Variants in ESRRG observed in about 807,000 individuals in gnomAD.
ESRRG encodes the protein estrogen-related receptor gamma.
ESRRG carries 13 observed loss-of-function variants against 44.0 expected under a neutral mutation model. That is an observed-to-expected ratio of 0.30 (90% confidence interval 0.19 to 0.47). The LOEUF (loss-of-function observed/expected upper bound fraction) is 0.47. ESRRG is among the 20% of genes least tolerant of loss of function. The probability of loss-of-function intolerance (pLI) is 1.00; values close to 1 mark genes in which losing one functional copy is unlikely to be tolerated. For missense variants in ESRRG, 395 were observed against 580.6 expected (o/e 0.68, Z 3.29); for synonymous variants, 215 against 214.6 (o/e 1.00, Z -0.02).
At chr1:217,059,742 A>G (rs992191963) in intron 1 of ESRRG, among the ~76,000 whole-genome samples, 1 of 152,154 alleles carries the variant, frequency 6.6e-6, no homozygotes, top group Non-Finnish European at 1.5e-5. Flanking sequence ...GCAGAGGGAC[A>G]TATCAAACTG....
chr1:216,813,746 A>G (rs577518601), intron 2 of ESRRG, among the ~76,000 whole-genome samples: 2 of 152,294 alleles, frequency 1.3e-5, no homozygotes, highest in African/African-American at 4.8e-5. Context: ...GTGCCTGCAC[A>G]CTATACACAC....
At chr1:216,846,313 C>T (rs919195411) in intron 2 of ESRRG, among the ~76,000 whole-genome samples, 4 of 152,040 alleles carry the variant, frequency 2.6e-5, no homozygotes, top group Non-Finnish European at 5.9e-5. Context: ...GTTAACAATG[C>T]CCTATAAGAA....
At chr1:216,548,257 A>G (rs2055167000) in intron 5 of ESRRG, among the ~76,000 whole-genome samples, 1 of 152,064 alleles carries the variant, frequency 6.6e-6, no homozygotes, top group South Asian at 2.1e-4. Flanking sequence ...ACGGGTACAC[A>G]TGTGACATTT....
At chr1:217,035,980 TA>T (rs2082819321) in intron 1 of ESRRG, among the ~76,000 whole-genome samples, 1 of 152,078 alleles carries the variant, frequency 6.6e-6, no homozygotes, top group East Asian at 1.9e-4. Flanking sequence ...AAAACCAACC[TA>T]ATTTAAAAAA....
At chr1:216,946,595 AT>A (rs1195267181) in intron 1 of ESRRG, among the ~76,000 whole-genome samples, 1 of 152,216 alleles carries the variant, frequency 6.6e-6, no homozygotes, top group Non-Finnish European at 1.5e-5. Flanking sequence ...ATATACAGCC[AT>A]TGGTCTACTA....
At chr1:216,650,164 C>A (rs1020216016) in intron 3 of ESRRG, among the ~76,000 whole-genome samples, 8 of 152,082 alleles carry the variant, frequency 5.3e-5, no homozygotes, top group African/African-American at 1.9e-4. Flanking sequence ...ACAGAAAATT[C>A]TAAATGCAGC....
chr1:216,679,746 C>T (rs1361333983), intron 1 of ESRRG, among the ~76,000 whole-genome samples: 2 of 149,318 alleles, frequency 1.3e-5, no homozygotes, highest in African/African-American at 5.0e-5. Context: ...TGGTCACTTT[C>T]ACCCCAATTT....
intron 2 of ESRRG, among the ~76,000 whole-genome samples, chr1:216,871,259 T>C (rs2818806): frequency 0.5 from 76,257 of 151,878 alleles, 21,968 homozygotes; most frequent in African/African-American, 0.8. Flanking sequence ...TTTAGAAATG[T>C]GTTGTCAAAT....
chr1:216,686,567 A>T (rs1445422474), intron 1 of ESRRG, among the ~76,000 whole-genome samples: 1 of 152,136 alleles, frequency 6.6e-6, no homozygotes, highest in Admixed American at 6.6e-5. Context: ...CACATTCAAA[A>T]GTCCAAATGC....
chr1:216,821,301 T>C (rs953888581), intron 2 of ESRRG, among the ~76,000 whole-genome samples: 6 of 152,132 alleles, frequency 3.9e-5, no homozygotes, highest in Non-Finnish European at 8.8e-5. Context: ...GATTTTCTAT[T>C]TGCTGGGAAA....
chr1:216,630,017 C>T lies in ESRRG; in HGVS notation c.589+20956G>A, dbSNP rs11572724. ...CAACTCCCTCTCCACAAATTACCCA[C>T]GAAAATGAAAACTTTTGACACCACC... On this transcript the variant is annotated intron_variant, in intron 3 of 6. Transcript: ENST00000408911. Among the ~76,000 whole-genome samples, 55 of 152,234 alleles carry T rather than the reference C, an allele frequency of 3.6e-4. No homozygotes were observed. The South Asian group carries it at 3.7e-3, about 10-fold the overall frequency.
chr1:217,090,338 C>A, upstream of ESRRG: 1 of 152,170 alleles, frequency 6.6e-6, no homozygotes. Flanking sequence ...CCCCCTCAGC[C>A]CGAATGCTGG....
At chr1:216,806,896 T>C (rs1186125994) in intron 2 of ESRRG, among the ~76,000 whole-genome samples, 1 of 152,140 alleles carries the variant, frequency 6.6e-6, no homozygotes, top group East Asian at 1.9e-4. Flanking sequence ...TTTACCTCAA[T>C]ATGGTAGAGA....
At chr1:216,620,611 T>C (rs2173371) in intron 3 of ESRRG, among the ~76,000 whole-genome samples, 30,047 of 152,142 alleles carry the variant, frequency 0.2, 3,775 homozygotes, top group Non-Finnish European at 0.29. Flanking sequence ...CAATCCTCCC[T>C]TCACCTCTAA....
intron 2 of ESRRG, among the ~76,000 whole-genome samples, chr1:216,868,785 T>A (rs1364666819): frequency 6.6e-6 from 1 of 152,206 alleles, no homozygotes; most frequent in African/African-American, 2.4e-5. Context: ...TAAATTTCAT[T>A]AATATTTTAA....
At chr1:216,838,963 T>A (rs2095609483) in intron 2 of ESRRG, among the ~76,000 whole-genome samples, 1 of 152,048 alleles carries the variant, frequency 6.6e-6, no homozygotes. Flanking sequence ...GCTGTAGCAG[T>A]TTTTTAAAAA....
intron 1 of ESRRG, among the ~76,000 whole-genome samples, chr1:216,720,337 C>T (rs1246950403): frequency 1.3e-5 from 2 of 151,996 alleles, no homozygotes; most frequent in African/African-American, 4.8e-5. Flanking sequence ...CCACCAACAC[C>T]ACATACCTTT....
intron 1 of ESRRG, among the ~76,000 whole-genome samples, chr1:217,046,207 T>G (rs1296487671): frequency 6.6e-6 from 1 of 151,958 alleles, no homozygotes; most frequent in African/African-American, 2.4e-5. Context: ...TTTCTACTTA[T>G]ACCCCTGATG....
chr1:216,994,783 TC>T (rs1461811090), intron 1 of ESRRG, among the ~76,000 whole-genome samples: 3 of 152,014 alleles, frequency 2.0e-5, no homozygotes, highest in Non-Finnish European at 2.9e-5. Flanking sequence ...AGACGGGCTT[TC>T]ACTGTGTTAC....
Sources: allele counts gnomAD v4.1 joint callset (sites outside exome capture counted in the v4.1 genomes callset), GRCh38; gene constraint gnomAD v4.1.1; transcripts MANE v1.5; gene names NCBI Gene and HGNC (gene_info 2026-07-23, HGNC 2026-07-21).